Variants in CCT7 observed in about 807,000 individuals in gnomAD.
The protein encoded by CCT7 is T-complex protein 1 subunit eta.
In CCT7, 16 loss-of-function variants were observed where a neutral mutation model predicts 56.6. The observed-to-expected ratio is 0.28, with a 90% CI of 0.19 to 0.43. The LOEUF (loss-of-function observed/expected upper bound fraction) is 0.43. Ranked by LOEUF, CCT7 falls within the 20% of genes least tolerant of loss-of-function variation. The pLI is 1.00. For synonymous variants in CCT7, 262 were observed against 254.8 expected, an observed-to-expected ratio of 1.03 and a Z score of -0.27; for missense variants, 519 against 685.6, an observed-to-expected ratio of 0.76 and a Z score of 2.71.
intron 10 of CCT7, among the ~76,000 whole-genome samples, 196 bp from the exon 11 acceptor site, chr2:73,251,030 T>C (rs1558570669): frequency 1.3e-5 from 2 of 152,078 alleles, no homozygotes; most frequent in African/African-American, 4.8e-5. Context: ...ACCTTGAAAA[T>C]AGTCAGAAAC....
chr2:73,234,316 T>G lies in CCT7; in HGVS notation c.-63T>G, dbSNP rs1390492757. ...TTTCTATTGCGCGAGGCATTGTGGG[T>G]TGCTGGGCGGCCCGGTCTCGGAGAA... On this transcript the variant is annotated 5_prime_UTR_variant, in exon 1 of 12. Transcript: ENST00000258091. 1.2e-6 allele frequency: 2 copies of G among 1,607,098 alleles called. No individual in the cohort carries two copies. The highest frequency in any genetic ancestry group is 1.1e-5 in the South Asian group (1 of 90,974).
chr2:73,249,830 C>T lies in CCT7; in HGVS notation c.984C>T (p.Gly328=), dbSNP rs753128568. The T allele has an allele frequency of 1.2e-6, 2 of 1,612,864 alleles. No homozygotes were observed. Among genetic ancestry groups the T allele is most frequent in the Non-Finnish European group, 8.5e-7 (1 of 1,178,830 alleles). ...DLKRTMMACG[G]SIQTSVNALS... ...TCCTTGCTCCCTAGGCCTGTGGAGGCTCAATCCAGACCAGTGTGAATGCTC... is the reference window on the plus strand; with the variant it reads ...TCCTTGCTCCCTAGGCCTGTGGAGGTTCAATCCAGACCAGTGTGAATGCTC... Residue 328 remains glycine, a synonymous_variant, in exon 9 of 12, where the codon GGC becomes GGT. Transcript: ENST00000258091.
At chr2:73,246,054 G>C (rs1687319621) in intron 6 of CCT7, among the ~76,000 whole-genome samples, 1 of 152,160 alleles carries the variant, frequency 6.6e-6, no homozygotes, top group Admixed American at 6.5e-5. Context: ...TACCTGGCAA[G>C]AGAGCCAGGG....
chr2:73,242,274 C>A (rs1687150445), intron 3 of CCT7, among the ~76,000 whole-genome samples: 2 of 152,146 alleles, frequency 1.3e-5, no homozygotes, highest in Admixed American at 6.5e-5. Context: ...AAGAAAGGAA[C>A]TCCTGCAGTA....
chr2:73,250,165 G>A, intron 9 of CCT7, 141 bp from the exon 10 acceptor site: 1 of 1,035,752 alleles, frequency 9.7e-7, no homozygotes, highest in Non-Finnish European at 1.5e-6. Context: ...CCAAGAAAAT[G>A]TCTATAAGGT....
intron 1 of CCT7, chr2:73,238,949 G>A (rs886791773): frequency 6.6e-6 from 1 of 152,226 alleles, no homozygotes; most frequent in Non-Finnish European, 1.5e-5. Context: ...ATGCAATATA[G>A]AAAGAGGAAA....
At chr2:73,241,631 G>A (rs1687118934) in intron 3 of CCT7, among the ~76,000 whole-genome samples, 1 of 151,982 alleles carries the variant, frequency 6.6e-6, no homozygotes, top group Non-Finnish European at 1.5e-5. Context: ...AATTTTCTTA[G>A]AAAGCTCTTT....
Position 73,250,380 on chromosome 2 carries a change from T to C in CCT7, c.1145T>C (p.Met382Thr), listed in dbSNP as rs1387147324. ...CTCCGTGGCGGCGCCGAGCAGTTTA[T>C]GGAGGAGACAGAGCGGTCCCTGCAT... ...FILRGGAEQFMEETERSLHDA... is the reference protein window; with the variant it reads ...FILRGGAEQFTEETERSLHDA... The change falls in exon 10 of 12, where the codon ATG becomes ACG. Residue 382 changes from methionine to threonine, a missense_variant. Coordinates refer to ENST00000258091, the MANE Select transcript of CCT7 (RefSeq NM_006429.4). 6.2e-7 allele frequency: 1 copy of C among 1,614,030 alleles called. No individual in the cohort carries two copies. Among genetic ancestry groups the C allele is most frequent in the Non-Finnish European group, 8.5e-7 (1 of 1,180,024 alleles).
chr2:73,249,301 T>C lies in CCT7; in HGVS notation c.972+122T>C, dbSNP rs1279924659. ...TGAATTGAGCCCTGTTTTTTTTTTT[T>C]AACTCTTTTTTTTCCAGGACACATT... On this transcript the variant is annotated intron_variant, in intron 8 of 11. Coordinates refer to ENST00000258091, the MANE Select transcript of CCT7 (RefSeq NM_006429.4). 5.5e-6 allele frequency: 4 copies of C among 725,208 alleles called. No homozygotes were observed. In the East Asian group the frequency reaches 1.1e-4, roughly 21 times the overall value. 44.9% of individuals were successfully genotyped at this position (725,208 alleles called of 1,614,324 possible).
Position 73,252,880 on chromosome 2 carries a change from CA to C in CCT7, c.*20del, listed in dbSNP as rs1282718689. 1 of 1,592,132 alleles carries C rather than the reference CA, an allele frequency of 6.3e-7. No homozygotes were observed. Among genetic ancestry groups the C allele is most frequent in the Non-Finnish European group, 8.6e-7 (1 of 1,162,192 alleles). On this transcript the variant is annotated 3_prime_UTR_variant, in exon 12 of 12. Coordinates refer to ENST00000258091, the MANE Select transcript of CCT7 (RefSeq NM_006429.4). ...CCACTGAGAGGCACCCCACCCATCA[CA>C]TGGCTGGCTGGCTGCTGGGTGCACT...
Position 73,251,277 on chromosome 2 carries a change from T to A in CCT7, c.1255T>A (p.Tyr419Asn). ...GGCCATTGAGATGGAACTCTCCAAG[T>A]ACCTGCGGGATTACTCAAGGACTAT... ...GGAIEMELSK[Y>N]LRDYSRTIPG... The change falls in exon 11 of 12, where the codon TAC becomes AAC. Residue 419 changes from tyrosine to asparagine, a missense_variant. By Grantham distance (143) the Tyr-to-Asn change is moderately radical (BLOSUM62 -2). This residue lies in a region of CCT7 where 237 missense variants were observed against 300.8 expected (regional missense o/e 0.79). Coordinates refer to ENST00000258091, the MANE Select transcript of CCT7 (RefSeq NM_006429.4). The A allele has an allele frequency of 1.2e-6, 2 of 1,614,232 alleles. No homozygotes were observed. Among genetic ancestry groups the A allele is most frequent in the Non-Finnish European group, 1.7e-6 (2 of 1,180,048 alleles).
intron 1 of CCT7, among the ~76,000 whole-genome samples, chr2:73,238,588 A>G (rs1232152485): frequency 6.6e-6 from 1 of 152,270 alleles, no homozygotes; most frequent in Non-Finnish European, 1.5e-5. Flanking sequence ...TGCATTCCAC[A>G]GTAAGAAATA....
chr2:73,235,426 C>T (rs1686835827), intron 1 of CCT7: 6 of 328,014 alleles, frequency 1.8e-5, no homozygotes, highest in Non-Finnish European at 2.3e-5. Context: ...CAGCTTTTCT[C>T]TGTCCTGTTA....
intron 11 of CCT7, among the ~76,000 whole-genome samples, chr2:73,252,324 G>GATATATATATATATATATATATATAT (rs57359293): frequency 7.9e-4 from 100 of 127,300 alleles, no homozygotes; most frequent in Non-Finnish European, 1.3e-3. Context: ...CTCATTGTTT[G>GATATATATATATATATATATATATAT]ATATATATAT....
At chr2:73,252,298 C>T (rs1687624591) in intron 11 of CCT7, among the ~76,000 whole-genome samples, 1 of 145,726 alleles carries the variant, frequency 6.9e-6, no homozygotes, top group Non-Finnish European at 1.5e-5. Context: ...TTTGTTATTC[C>T]TGTTTATCTT....
chr2:73,236,618 C>T (rs781612811), intron 1 of CCT7, among the ~76,000 whole-genome samples: 2 of 152,128 alleles, frequency 1.3e-5, no homozygotes, highest in Non-Finnish European at 2.9e-5. Flanking sequence ...GGATTACAGG[C>T]GTGAGCCACC....
rs200074228 is a variant in CCT7, at chr2:73,240,498, T to C, written c.222T>C (p.Pro74=). 1 of 1,612,008 alleles carries C rather than the reference T, an allele frequency of 6.2e-7. No individual in the cohort carries two copies. The highest frequency in any genetic ancestry group is 8.5e-7 in the Non-Finnish European group (1 of 1,178,794). ...TGAAACTTCTTGATGTTGTCCATCCTGCAGCAAAGACTTTGGTAGACATTG... is the reference window on the plus strand; with the variant it reads ...TGAAACTTCTTGATGTTGTCCATCCCGCAGCAAAGACTTTGGTAGACATTG... ...TILKLLDVVH[P]AAKTLVDIAK... The change falls in exon 3 of 12, where the codon CCT becomes CCC. Residue 74 remains proline (P), a synonymous_variant. Coordinates refer to ENST00000258091, the MANE Select transcript of CCT7 (RefSeq NM_006429.4).
chr2:73,249,141 G>A lies in CCT7; in HGVS notation c.934G>A (p.Gly312Ser). ...YFADRDMFCA[G>S]RVPEEDLKRT... ...TGCTGACAGGGACATGTTCTGTGCT[G>A]GCCGAGTACCTGAGGAGGATCTGAA... Residue 312 changes from glycine (G) to serine (S), a missense_variant, in exon 8 of 12, where the codon GGC becomes AGC. Gly to Ser is a moderately conservative substitution (Grantham distance 56). Around this residue, in one of 3 missense-constraint regions of CCT7, gnomAD observed 6 missense variants for 27.6 expected, o/e 0.22. Transcript: ENST00000258091. 2 of 1,613,414 alleles carry A rather than the reference G, an allele frequency of 1.2e-6. No individual in the cohort carries two copies. The highest frequency in any genetic ancestry group is 1.7e-6 in the Non-Finnish European group (2 of 1,179,508).
intron 11 of CCT7, among the ~76,000 whole-genome samples, chr2:73,252,009 G>A (rs1687610612): frequency 6.7e-6 from 1 of 149,610 alleles, no homozygotes; most frequent in African/African-American, 2.5e-5. Flanking sequence ...CTTCCTGGAA[G>A]CACATACTGA....
Sources: gnomAD v4.1 joint callset for allele counts (sites outside exome capture counted in the v4.1 genomes callset) on GRCh38, gnomAD v4.1.1 for gene constraint, gnomAD v4.1.1 regional missense constraint, MANE v1.5 for transcripts, NCBI Gene and HGNC (gene_info 2026-07-23, HGNC 2026-07-21) for gene names.